SGCZ: variants seen among roughly 807,000 people sequenced by gnomAD.
SGCZ encodes zeta-sarcoglycan.
A neutral mutation model predicts 41.3 loss-of-function variants in SGCZ; 40 were observed. The observed-to-expected ratio is 0.97, with a 90% CI of 0.75 to 1.26. The LOEUF (loss-of-function observed/expected upper bound fraction) is 1.26. Among genes scored for constraint, SGCZ ranks in the 50% most tolerant of loss-of-function variants. The pLI is 0.00. For synonymous variants in SGCZ, 206 were observed against 137.5 expected (o/e 1.50, Z -3.49); for missense variants, 552 against 369.8 (o/e 1.49, Z -4.04).
intron 1 of SGCZ, among the ~76,000 whole-genome samples, chr8:14,559,914 T>G (rs77143007): frequency 0.094 from 14,339 of 152,136 alleles, 947 homozygotes; most frequent in East Asian, 0.33. Context: ...AAACTCTGAT[T>G]TGGCGTAGAT....
chr8:14,298,703 T>A (rs1801095199), intron 3 of SGCZ, among the ~76,000 whole-genome samples: 1 of 152,048 alleles, frequency 6.6e-6, no homozygotes, highest in Non-Finnish European at 1.5e-5. Context: ...ATTACATGGA[T>A]AAATGTAATA....
At chr8:15,096,600 C>A (rs1389981737) in intron 1 of SGCZ, among the ~76,000 whole-genome samples, 1 of 152,170 alleles carries the variant, frequency 6.6e-6, no homozygotes, top group Non-Finnish European at 1.5e-5. Context: ...AAAATTATAT[C>A]TTATTTCTTC....
chr8:14,450,556 T>A (rs1054332318), intron 2 of SGCZ, among the ~76,000 whole-genome samples: 18 of 152,324 alleles, frequency 1.2e-4, no homozygotes, highest in African/African-American at 4.3e-4. Context: ...TAATTTTAGT[T>A]AAATGTATCA....
At chr8:14,664,193 T>G (rs1230781678) in intron 1 of SGCZ, among the ~76,000 whole-genome samples, 1 of 152,152 alleles carries the variant, frequency 6.6e-6, no homozygotes, top group Non-Finnish European at 1.5e-5. Context: ...TAAATAGGAT[T>G]TGAACTTAGA....
intron 5 of SGCZ, among the ~76,000 whole-genome samples, chr8:14,115,098 C>G (rs534239621): frequency 6.6e-6 from 1 of 152,046 alleles, no homozygotes; most frequent in East Asian, 1.9e-4. Flanking sequence ...GTTACTCTTA[C>G]ATCCAATAAC....
intron 1 of SGCZ, among the ~76,000 whole-genome samples, chr8:15,008,745 AAGAGGGG>A (rs1802709036): frequency 2.8e-5 from 1 of 35,230 alleles, no homozygotes; most frequent in East Asian, 1.3e-3. Context: ...GAGGGAGGGG[AAGAGGGG>A]GGAGGAGGGA....
intron 5 of SGCZ, among the ~76,000 whole-genome samples, chr8:14,162,862 C>T (rs1386501369): frequency 6.6e-6 from 1 of 152,148 alleles, no homozygotes; most frequent in Non-Finnish European, 1.5e-5. Flanking sequence ...CATTTAATAA[C>T]ACATCTTTTT....
At chr8:14,888,179 G>A (rs1177420343) in intron 1 of SGCZ, among the ~76,000 whole-genome samples, 2 of 152,054 alleles carry the variant, frequency 1.3e-5, no homozygotes, top group Non-Finnish European at 2.9e-5. Flanking sequence ...CACCAAAAAA[G>A]CAAAAGACCA....
chr8:14,490,694 T>C (rs1439022305), intron 2 of SGCZ, among the ~76,000 whole-genome samples: 1 of 152,200 alleles, frequency 6.6e-6, no homozygotes, highest in South Asian at 2.1e-4. Context: ...GCTCAGGAAA[T>C]GAATGTTTGA....
At chr8:14,454,701 A>C (rs919114442) in intron 2 of SGCZ, among the ~76,000 whole-genome samples, 2 of 152,206 alleles carry the variant, frequency 1.3e-5, no homozygotes, top group Non-Finnish European at 2.9e-5. Flanking sequence ...CCAGTGAAAT[A>C]GAATGGGAAG....
intron 3 of SGCZ, among the ~76,000 whole-genome samples, chr8:14,246,112 A>G (rs10435699): frequency 0.25 from 37,976 of 152,152 alleles, 6,095 homozygotes; most frequent in Non-Finnish European, 0.36. Flanking sequence ...TACCCAAAGG[A>G]TTAGAAATCA....
At chr8:14,097,644 G>A (rs183976030) in intron 7 of SGCZ, among the ~76,000 whole-genome samples, 235 of 152,252 alleles carry the variant, frequency 1.5e-3, no homozygotes, top group Admixed American at 3.1e-3. Context: ...GGATATCCTT[G>A]TTAATTTTCT....
intron 1 of SGCZ, among the ~76,000 whole-genome samples, chr8:14,716,605 C>G (rs570264192): frequency 6.6e-6 from 1 of 152,166 alleles, no homozygotes; most frequent in Admixed American, 6.5e-5. Flanking sequence ...ATCCAAAATT[C>G]TATTTGTCTG....
chr8:14,770,714 T>C (rs1158753782), intron 1 of SGCZ, among the ~76,000 whole-genome samples: 1 of 152,064 alleles, frequency 6.6e-6, no homozygotes, highest in Non-Finnish European at 1.5e-5. Context: ...GCTGTTGAAA[T>C]GAAGAATAAG....
chr8:14,658,990 AACTT>A (rs1283403935), intron 1 of SGCZ, among the ~76,000 whole-genome samples: 2 of 152,164 alleles, frequency 1.3e-5, no homozygotes, highest in Non-Finnish European at 2.9e-5. Context: ...AAGTTTTACT[AACTT>A]AAAGTTACTG....
chr8:14,441,671 T>G (rs1388948487), intron 2 of SGCZ, among the ~76,000 whole-genome samples: 1 of 152,216 alleles, frequency 6.6e-6, no homozygotes, highest in Non-Finnish European at 1.5e-5. Context: ...TCTCAAGGGT[T>G]TGGCTTTGTA....
At chr8:14,886,034 T>TATAA (rs1804792730) in intron 1 of SGCZ, among the ~76,000 whole-genome samples, 1 of 112,386 alleles carries the variant, frequency 8.9e-6, no homozygotes. Flanking sequence ...TATATATATA[T>TATAA]AAAATTGTAT....
intron 5 of SGCZ, among the ~76,000 whole-genome samples, chr8:14,129,345 CAAAAAAAAA>C (rs534660638): frequency 1.8e-4 from 8 of 44,114 alleles, no homozygotes; most frequent in Non-Finnish European, 3.4e-4. Context: ...GACTCCGTCT[CAAAAAAAAA>C]AAAAAAAAAA....
chr8:14,302,078 G>T (rs1182764737), intron 3 of SGCZ, among the ~76,000 whole-genome samples: 1 of 152,014 alleles, frequency 6.6e-6, no homozygotes, highest in African/African-American at 2.4e-5. Context: ...CTTTCTCTAA[G>T]ATTACAACTT....
Sources: gnomAD v4.1 joint callset for allele counts (sites outside exome capture counted in the v4.1 genomes callset) on GRCh38, gnomAD v4.1.1 for gene constraint, MANE v1.5 for transcripts, NCBI Gene and HGNC (gene_info 2026-07-23, HGNC 2026-07-21) for gene names.